GSAP: variants seen among roughly 807,000 people sequenced by gnomAD.
GSAP encodes the protein gamma-secretase-activating protein.
A neutral mutation model predicts 131.7 loss-of-function variants in GSAP; 118 were observed. That is an observed-to-expected ratio of 0.90 (90% confidence interval 0.77 to 1.04). The LOEUF (loss-of-function observed/expected upper bound fraction) is 1.04, where lower values mean the gene tolerates loss of function less well. Among genes scored for constraint, GSAP ranks in the 50% least tolerant of loss-of-function variants. The pLI is 0.00. For missense variants in GSAP, 1,019 were observed against 1,013.2 expected (o/e 1.01, Z -0.08); for synonymous variants, 381 against 363.4 (o/e 1.05, Z -0.55).
In GSAP at chr7:77,404,558, C is replaced by T. The variant is rs1583908755; in HGVS notation, c.243+1G>A. 6.6e-7 allele frequency: 1 copy of T among 1,516,626 alleles called. No individual in the cohort carries two copies. Among genetic ancestry groups the T allele is most frequent in the East Asian group, 2.3e-5 (1 of 44,264 alleles). 93.9% of individuals were successfully genotyped at this position (1,516,626 alleles called of 1,614,324 possible). ...ACCAATGAGTAATCTATGATTTTTA[C>T]CTCATTTTGTCTGGTTTGACAATCA... On this transcript the variant is annotated splice_donor_variant, in intron 3 of 30. Transcript: ENST00000257626. LOFTEE classifies it high-confidence loss of function.
At chr7:77,416,045 T>G (rs1453306618) in intron 1 of GSAP, among the ~76,000 whole-genome samples, 168 bp downstream of exon 1, 7 of 152,094 alleles carry the variant, frequency 4.6e-5, no homozygotes, top group Non-Finnish European at 1.0e-4. Context: ...CGTGGCTGGG[T>G]GTGGGTGGCA....
At chr7:77,351,803 C>T in intron 18 of GSAP, 1 of 765,908 alleles carries the variant, frequency 1.3e-6, no homozygotes, top group Non-Finnish European at 1.6e-6. Flanking sequence ...GTCCCAGCTG[C>T]CTCCTGGACA....
intron 8 of GSAP, among the ~76,000 whole-genome samples, chr7:77,377,880 T>G (rs113668411): frequency 4.1e-4 from 63 of 152,302 alleles, no homozygotes; most frequent in African/African-American, 1.4e-3. Context: ...TGGGCATGCC[T>G]CTCACCTTTA....
intron 19 of GSAP, 165 bp from the exon 20 acceptor site, chr7:77,330,532 T>C (rs1404228545): frequency 4.7e-5 from 57 of 1,215,704 alleles, no homozygotes; most frequent in East Asian, 7.2e-5. Context: ...GATTCTAAAA[T>C]AGACTTAAAG....
In GSAP at chr7:77,330,248, G is replaced by T. The variant is rs762566806; in HGVS notation, c.1665C>A (p.Ile555=). 1.9e-6 allele frequency: 3 copies of T among 1,612,334 alleles called. No individual in the cohort carries two copies. The highest frequency in any genetic ancestry group is 1.3e-5 in the African/African-American group (1 of 74,988). The change falls in exon 20 of 31, where the codon ATC becomes ATA. Residue 555 remains isoleucine, a synonymous_variant. Coordinates refer to ENST00000257626, the MANE Select transcript of GSAP (RefSeq NM_017439.4). ...ACTGACCCACTCATACCTCTTCAGA[G>T]ATCAGGTTGTGCCACTCTCTCCTGA... The part of the protein sequence containing the change: ...SVVRREWHNL[I]SEEKTGKRRS...
rs200605516 is a variant in GSAP at position 77,329,305 on chromosome 7, A to C, written c.1733+28T>G. On this transcript the variant is annotated intron_variant, in intron 21 of 30. Transcript: ENST00000257626. ...TAATTGTAAATGTCAACCATCTTAC[A>C]GATATGATAACCTCTGCTTTCACTT... 6.2e-6 allele frequency: 8 copies of C among 1,288,446 alleles called. No individual in the cohort carries two copies. In the Middle Eastern group the frequency reaches 5.5e-4, roughly 89 times the overall value. 79.8% of individuals were successfully genotyped at this position (1,288,446 alleles called of 1,614,324 possible). A position where few individuals can be genotyped will look rare whatever the true frequency, so the allele number is the denominator to read the frequency against.
At chr7:77,346,717 GAA>G (rs77762551) in intron 19 of GSAP, among the ~76,000 whole-genome samples, 21,658 of 140,048 alleles carry the variant, frequency 0.15, 2,356 homozygotes, top group East Asian at 0.43. Context: ...CTCAAAAAAA[GAA>G]AAAAAAAAAA....
chr7:77,400,337 A>G (rs554319333), intron 3 of GSAP, among the ~76,000 whole-genome samples: 1 of 152,138 alleles, frequency 6.6e-6, no homozygotes, highest in African/African-American at 2.4e-5. Flanking sequence ...CCTCACTGGG[A>G]TGGTGTCCAA....
chr7:77,382,616 G>A lies in GSAP; in HGVS notation c.484C>T (p.Pro162Ser). Residue 162 changes from proline to serine, a missense_variant, in exon 7 of 31, where the codon CCT (proline) becomes TCT (serine). Coordinates refer to ENST00000257626, the MANE Select transcript of GSAP (RefSeq NM_017439.4). ...AGTAACAGATGGTTCTCTGGAAGAG[G>A]ATGACTTTCAATATGTGGGTAGAGA... is the stretch of plus-strand genomic sequence containing the variant. ...QFLYPHIESHPLPENHLLLIS... is the reference protein window; with the variant it reads ...QFLYPHIESHSLPENHLLLIS... 6.4e-7 allele frequency: 1 copy of A among 1,567,034 alleles called. No homozygotes were observed. Among genetic ancestry groups the A allele is most frequent in the East Asian group, 2.2e-5 (1 of 44,670 alleles).
chr7:77,330,193 C>A (rs1433621782), intron 20 of GSAP, 46 bp downstream of exon 20: 3 of 1,575,512 alleles, frequency 1.9e-6, no homozygotes, highest in Middle Eastern at 3.4e-4. Context: ...TGGATCCAGT[C>A]CACTATGCCT....
intron 30 of GSAP, 33 bp from the exon 31 acceptor site, chr7:77,311,482 G>A (rs752148569): frequency 1.9e-6 from 2 of 1,031,858 alleles, no homozygotes; most frequent in South Asian, 2.5e-5. Flanking sequence ...CAGGGAAAAA[G>A]GGTTACCATG....
intron 7 of GSAP, 57 bp downstream of exon 7, chr7:77,382,517 C>T (rs1797949380): frequency 3.3e-6 from 3 of 902,416 alleles, no homozygotes; most frequent in Non-Finnish European, 5.6e-6. Context: ...ATGTACCACA[C>T]TAGGAGACGA....
chr7:77,329,558 C>T (rs1788780380), intron 20 of GSAP, 167 bp from the exon 21 acceptor site: 1 of 406,342 alleles, frequency 2.5e-6, no homozygotes, highest in African/African-American at 2.1e-5. Flanking sequence ...ATATTTTATT[C>T]TGAAACAATT....
intron 26 of GSAP, among the ~76,000 whole-genome samples, chr7:77,320,388 G>A (rs2150615403): frequency 1.3e-5 from 2 of 152,286 alleles, no homozygotes; most frequent in South Asian, 4.2e-4. Context: ...CGACTTCCCA[G>A]TGTTAATCTT....
intron 5 of GSAP, among the ~76,000 whole-genome samples, chr7:77,389,258 A>G (rs1010582077): frequency 2.6e-5 from 4 of 151,136 alleles, no homozygotes; most frequent in Non-Finnish European, 5.9e-5. Flanking sequence ...GTATATATAT[A>G]TATTTTTTTG....
intron 19 of GSAP, among the ~76,000 whole-genome samples, chr7:77,336,781 C>T (rs1410566885): frequency 6.6e-6 from 1 of 152,146 alleles, no homozygotes; most frequent in Non-Finnish European, 1.5e-5. Flanking sequence ...AGCCACCGTG[C>T]CCAGCCAGTA....
rs952683730 is a variant in GSAP at position 77,377,019 on chromosome 7, C to T, written c.682-112G>A. On this transcript the variant is annotated intron_variant, in intron 9 of 30. Transcript: ENST00000257626. The stretch of plus-strand genomic sequence containing the variant: ...CAATGAAAATGTAATGATTAGTGAA[C>T]TGCAGTAATAATAATGTCAAAATCA... 7.3e-6 allele frequency: 5 copies of T among 684,394 alleles called. No individual in the cohort carries two copies. In the African/African-American group the frequency reaches 9.5e-5, roughly 13 times the overall value. 42.4% of individuals were successfully genotyped at this position (684,394 alleles called of 1,614,324 possible).
intron 26 of GSAP, 30 bp downstream of exon 26, chr7:77,320,695 A>G: frequency 8.0e-7 from 1 of 1,249,370 alleles, no homozygotes; most frequent in East Asian, 2.3e-5. Context: ...TAAATTTATT[A>G]TACCAAAGGA....
chr7:77,353,153 C>T (rs1356898578), intron 17 of GSAP, 127 bp from the exon 18 acceptor site: 3 of 626,334 alleles, frequency 4.8e-6, no homozygotes, highest in Non-Finnish European at 8.6e-6. Context: ...ATCCTCAAAA[C>T]GGTAACCATC....
Sources: gnomAD v4.1 joint callset for allele counts (sites outside exome capture counted in the v4.1 genomes callset) on GRCh38, gnomAD v4.1.1 for gene constraint, MANE v1.5 for transcripts, NCBI Gene and HGNC (gene_info 2026-07-23, HGNC 2026-07-21) for gene names.